The following THADA variants were observed in gnomAD, a reference collection of about 807,000 sequenced individuals.
THADA encodes THADA armadillo repeat containing.
THADA carries 213 observed loss-of-function variants against 219.8 expected under a neutral mutation model. That is an observed-to-expected ratio of 0.97 (90% CI 0.87 to 1.09). The LOEUF is 1.09. Ranked by LOEUF, THADA falls within the 50% of genes least tolerant of loss-of-function variation. The probability of loss-of-function intolerance (pLI) is 0.00; values close to 1 mark genes in which losing one functional copy is unlikely to be tolerated. For missense variants in THADA, 2,956 were observed against 2,311.3 expected, an observed-to-expected ratio of 1.28 and a Z score of -5.72; for synonymous variants, 1,018 against 828.9, an observed-to-expected ratio of 1.23 and a Z score of -3.92.
chr2:43,557,327 C>T (rs940686863), intron 16 of THADA, among the ~76,000 whole-genome samples: 1 of 152,192 alleles, frequency 6.6e-6, no homozygotes, highest in African/African-American at 2.4e-5. Flanking sequence ...GCTATGACTA[C>T]AGCCAGACTA....
At chr2:43,308,810 A>G (rs1211455201) in intron 31 of THADA, among the ~76,000 whole-genome samples, 1 of 151,166 alleles carries the variant, frequency 6.6e-6, no homozygotes, top group East Asian at 1.9e-4. Context: ...CTCATGATAC[A>G]CATGAAAATT....
intron 21 of THADA, among the ~76,000 whole-genome samples, chr2:43,532,123 T>A (rs1049245098): frequency 1.3e-5 from 2 of 151,772 alleles, no homozygotes; most frequent in Admixed American, 6.6e-5. Context: ...AAAAAAAATA[T>A]GAAAGAGGCC....
intron 17 of THADA, 126 bp downstream of exon 17, chr2:43,556,219 C>G: frequency 1.4e-6 from 2 of 1,478,656 alleles, no homozygotes; most frequent in Non-Finnish European, 1.8e-6. Flanking sequence ...ACCCATGGTG[C>G]TCTTATATGC....
At chr2:43,462,683 C>A (rs919114139) in intron 26 of THADA, among the ~76,000 whole-genome samples, 1 of 152,156 alleles carries the variant, frequency 6.6e-6, no homozygotes, top group Non-Finnish European at 1.5e-5. Flanking sequence ...TTCTATCATT[C>A]TCTTATACAC....
intron 22 of THADA, among the ~76,000 whole-genome samples, chr2:43,514,652 A>AT (rs1691000317): frequency 1.1e-5 from 1 of 91,554 alleles, no homozygotes; most frequent in African/African-American, 5.0e-5. Flanking sequence ...TATAATATAT[A>AT]TATTGTATAT....
At chr2:43,265,008 T>C (rs929904472) in intron 36 of THADA, among the ~76,000 whole-genome samples, 7 of 152,256 alleles carry the variant, frequency 4.6e-5, no homozygotes, top group African/African-American at 1.7e-4. Context: ...ATGAACATTT[T>C]ATCTGAAACT....
At chr2:43,559,457 A>G (rs988355796) in intron 16 of THADA, among the ~76,000 whole-genome samples, 7 of 152,176 alleles carry the variant, frequency 4.6e-5, no homozygotes, top group Admixed American at 4.6e-4. Context: ...CACAGCCTAG[A>G]CCATGGCTCA....
intron 36 of THADA, among the ~76,000 whole-genome samples, chr2:43,264,094 G>C (rs1180757177): frequency 6.6e-6 from 1 of 151,920 alleles, no homozygotes; most frequent in Non-Finnish European, 1.5e-5. Context: ...CTTCTTCCCT[G>C]GTTCTAGCTG....
chr2:43,569,386 A>T (rs1276509325), intron 14 of THADA, among the ~76,000 whole-genome samples: 1 of 152,210 alleles, frequency 6.6e-6, no homozygotes, highest in Non-Finnish European at 1.5e-5. Context: ...GAGCTTTTTC[A>T]TTTAATCCTC....
Position 43,556,333 on chromosome 2 carries a change from A to T in THADA, c.2674+12T>A. On this transcript the variant is annotated intron_variant, in intron 17 of 37. Transcript: ENST00000405975. ...GCTATTCGTTTTGATAAGAGCAAAC[A>T]TCAATACAAACCCATTAATGTGTTC... 1 of 1,613,324 alleles carries T rather than the reference A, an allele frequency of 6.2e-7. No homozygotes were observed. Among genetic ancestry groups the T allele is most frequent in the Non-Finnish European group, 8.5e-7 (1 of 1,179,612 alleles).
At chr2:43,438,853 CAACAAT>C (rs919885090) in intron 26 of THADA, among the ~76,000 whole-genome samples, 46 of 152,064 alleles carry the variant, frequency 3.0e-4, no homozygotes, top group African/African-American at 9.9e-4. Context: ...AAGAGATTAA[CAACAAT>C]AATAATAAAC....
At chr2:43,409,817 C>T (rs1264367700) in intron 28 of THADA, among the ~76,000 whole-genome samples, 3 of 151,676 alleles carry the variant, frequency 2.0e-5, no homozygotes, top group East Asian at 1.9e-4. Context: ...GCCAGGAGTT[C>T]GAGACCAGCC....
At chr2:43,472,802 C>G (rs1473555203) in intron 26 of THADA, among the ~76,000 whole-genome samples, 1 of 152,122 alleles carries the variant, frequency 6.6e-6, no homozygotes. Flanking sequence ...TCCTATGCTA[C>G]AAACCTGTAC....
At chr2:43,445,572 C>T (rs73925515) in intron 26 of THADA, among the ~76,000 whole-genome samples, 3,329 of 152,342 alleles carry the variant, frequency 0.022, 97 homozygotes, top group African/African-American at 0.072. Flanking sequence ...GCATCCTCCT[C>T]GGGGCCTCTG....
chr2:43,489,894 A>AAAAAAAAAAAAAAAAAAAAAAT, intron 25 of THADA, among the ~76,000 whole-genome samples: 1 of 150,430 alleles, frequency 6.6e-6, no homozygotes, highest in African/African-American at 2.4e-5. Context: ...AAAAAAAAAA[A>AAAAAAAAAAAAAAAAAAAAAAT]GCTAGAAGGG....
intron 35 of THADA, among the ~76,000 whole-genome samples, chr2:43,281,492 A>C (rs1402322683): frequency 2.2e-5 from 3 of 134,092 alleles, no homozygotes; most frequent in Non-Finnish European, 4.6e-5. Context: ...CCCAGGCTGG[A>C]GTGCAATGGG....
At chr2:43,489,809 T>C (rs1456917279) in intron 25 of THADA, among the ~76,000 whole-genome samples, 1 of 151,240 alleles carries the variant, frequency 6.6e-6, no homozygotes, top group Non-Finnish European at 1.5e-5. Flanking sequence ...TCCAACTTTG[T>C]TCTTTTTCAA....
At position 43,457,119 on chromosome 2, in the gene THADA, G is replaced by A. The variant is rs1224711332; in HGVS notation, c.3837-26817C>T. Among the ~76,000 whole-genome samples, 4 of 131,580 alleles carry A rather than the reference G, an allele frequency of 3.0e-5. No homozygotes were observed. The South Asian group carries it at 7.8e-4, about 26-fold the overall frequency. 86.3% of individuals were successfully genotyped at this position (131,580 alleles called of 152,430 possible). On this transcript the variant is annotated intron_variant, in intron 26 of 37. Coordinates refer to ENST00000405975, the MANE Select transcript of THADA (RefSeq NM_022065.5). ...AATGTTCCACATCGGTAGAAAAAAC[G>A]TATTTAGGATATCTACACACACACA...
In THADA at chr2:43,385,180, A is replaced by G. The variant is rs6761659; in HGVS notation, c.4227+12791T>C. Among the ~76,000 whole-genome samples, 352 of 152,020 alleles carry G rather than the reference A, an allele frequency of 2.3e-3. 1 individual carries two copies. Among genetic ancestry groups the G allele is most frequent in the Middle Eastern group, 0.01 (3 of 294 alleles). ...ACAAAAACAAAAAAACCCACAAAAA[A>G]ACAAAAAACAATTTGGTAATTGGAC... On this transcript the variant is annotated intron_variant, in intron 29 of 37. Coordinates refer to ENST00000405975, the MANE Select transcript of THADA (RefSeq NM_022065.5).
Sources: allele counts gnomAD v4.1 joint callset (sites outside exome capture counted in the v4.1 genomes callset), GRCh38; gene constraint gnomAD v4.1.1; transcripts MANE v1.5; gene names NCBI Gene and HGNC (gene_info 2026-07-23, HGNC 2026-07-21).